The following ZNG1A variants were observed in gnomAD, a reference collection of about 807,000 sequenced individuals.
ZNG1A encodes the protein Zn regulated GTPase metalloprotein activator 1A, also known as zinc-regulated GTPase metalloprotein activator 1A.
At chr9:170,935 AAAGTATCAAGTTTTTGTCTATAAAATGGC>A in the ZNG1A span, among the ~76,000 whole-genome samples, 22 of 144,500 alleles carry the variant, frequency 1.5e-4, no homozygotes, top group Admixed American at 1.5e-3. Flanking sequence ...TAAACTCTCA[AAAGTATCAAGTTTTTGTCTATAAAATGGC>A]AAAACTGGCT....
chr9:140,055 T>C, the ZNG1A span, among the ~76,000 whole-genome samples: 1 of 150,018 alleles, frequency 6.7e-6, no homozygotes, highest in Non-Finnish European at 1.5e-5. Context: ...CAGTCTGAGA[T>C]CAAACTGCAA....
chr9:153,796 T>C, the ZNG1A span: 3 of 149,524 alleles, frequency 2.0e-5, no homozygotes, highest in South Asian at 2.1e-4. Flanking sequence ...ATATACTATA[T>C]GAACTGAGAT....
chr9:161,603 G>T, the ZNG1A span: 1 of 1,286,594 alleles, frequency 7.8e-7, no homozygotes, highest in South Asian at 1.2e-5. Flanking sequence ...GATTGGGAAC[G>T]GGTCAGTGGG....
the ZNG1A span, among the ~76,000 whole-genome samples, chr9:152,681 C>G: frequency 6.6e-6 from 1 of 151,932 alleles, no homozygotes; most frequent in Non-Finnish European, 1.5e-5. Flanking sequence ...CGTATGGCAC[C>G]AAAAAGTACC....
At chr9:122,312 A>G in the ZNG1A span, 45 of 1,416,034 alleles carry the variant, frequency 3.2e-5, no homozygotes, top group Non-Finnish European at 4.0e-5. Flanking sequence ...TTCTTTTTGA[A>G]CAATCCCCTT....
chr9:139,446 C>T, the ZNG1A span, among the ~76,000 whole-genome samples: 3 of 150,024 alleles, frequency 2.0e-5, no homozygotes, highest in South Asian at 4.3e-4. Context: ...TGCTGCACAT[C>T]CTCATGCCTA....
At chr9:154,655 T>C in the ZNG1A span, 2 of 1,297,502 alleles carry the variant, frequency 1.5e-6, no homozygotes, top group Non-Finnish European at 2.2e-6. Context: ...GTAAAAAATA[T>C]TCTGTGTATA....
At chr9:173,379 A>G in the ZNG1A span, 2 of 1,605,590 alleles carry the variant, frequency 1.2e-6, no homozygotes, top group Non-Finnish European at 1.7e-6. Flanking sequence ...AGAATAATTA[A>G]CAAACAGCAC....
chr9:154,727 T>G, the ZNG1A span: 1 of 1,598,056 alleles, frequency 6.3e-7, no homozygotes, highest in Admixed American at 1.7e-5. Context: ...CGTTCTTAAT[T>G]TCTTTACATC....
chr9:155,957 AT>A, the ZNG1A span, among the ~76,000 whole-genome samples: 1 of 150,260 alleles, frequency 6.7e-6, no homozygotes, highest in Non-Finnish European at 1.5e-5. Context: ...AAAAATAAAA[AT>A]AAAAATAAAA....
chr9:172,610 T>C, the ZNG1A span: 1 of 157,584 alleles, frequency 6.3e-6, no homozygotes, highest in South Asian at 1.8e-4. Flanking sequence ...TCTTATTTTA[T>C]CAAAAGTGAA....
At chr9:148,821 G>C in the ZNG1A span, 1 of 148,436 alleles carries the variant, frequency 6.7e-6, no homozygotes, top group East Asian at 1.9e-4. Context: ...AATGAAGAGG[G>C]TTTTGGCTCT....
the ZNG1A span, among the ~76,000 whole-genome samples, chr9:161,242 G>A: frequency 5.9e-5 from 9 of 151,982 alleles, no homozygotes; most frequent in African/African-American, 1.9e-4. Context: ...GCCGAGGCGG[G>A]TGGATCACTT....
At chr9:144,127 A>G in the ZNG1A span, among the ~76,000 whole-genome samples, 2 of 67,952 alleles carry the variant, frequency 2.9e-5, no homozygotes, top group Admixed American at 1.7e-4. Context: ...TGCCCAAGGT[A>G]ATTTACAGAT....
the ZNG1A span, among the ~76,000 whole-genome samples, chr9:129,567 A>C: frequency 6.6e-6 from 1 of 150,388 alleles, no homozygotes; most frequent in Admixed American, 6.6e-5. Flanking sequence ...CCAGTCACAG[A>C]AGGACAAATA....
the ZNG1A span, among the ~76,000 whole-genome samples, chr9:140,187 T>G: frequency 1.3e-5 from 2 of 151,574 alleles, no homozygotes; most frequent in Non-Finnish European, 2.9e-5. Context: ...TGCCTGCCTC[T>G]GTAGGCTCCA....
At chr9:168,238 A>G in the ZNG1A span, among the ~76,000 whole-genome samples, 1 of 137,986 alleles carries the variant, frequency 7.2e-6, no homozygotes, top group Non-Finnish European at 1.5e-5. Flanking sequence ...ACTAAGCAAC[A>G]GACTTATTTT....
chr9:140,297 A>G, the ZNG1A span, among the ~76,000 whole-genome samples: 140 of 148,812 alleles, frequency 9.4e-4, no homozygotes, highest in Middle Eastern at 3.4e-3. Context: ...TGGTTCTCCC[A>G]GCACGCAGCT....
At chr9:145,533 T>C in the ZNG1A span, among the ~76,000 whole-genome samples, 19 of 115,776 alleles carry the variant, frequency 1.6e-4, no homozygotes, top group East Asian at 4.7e-3. Context: ...GAACATCACA[T>C]TCTGGGGACT....
Sources: allele counts gnomAD v4.1 joint callset (sites outside exome capture counted in the v4.1 genomes callset), GRCh38; gene constraint gnomAD v4.1.1; transcripts MANE v1.5; gene names NCBI Gene and HGNC (gene_info 2026-07-23, HGNC 2026-07-21).